Variants in MLIP observed in about 807,000 individuals in gnomAD.
MLIP encodes muscular LMNA interacting protein, also known as muscular LMNA-interacting protein.
Under a neutral mutation model 84.8 loss-of-function variants are expected in MLIP, and 79 were observed. That is an observed-to-expected ratio of 0.93 (90% CI 0.78 to 1.12). The LOEUF (loss-of-function observed/expected upper bound fraction) is 1.12. Ranked by LOEUF, MLIP falls within the 50% of genes most tolerant of loss-of-function variation. The pLI, the probability that MLIP is intolerant of heterozygous loss-of-function variation, is 0.00. For missense variants in MLIP, 1,257 were observed against 1,160.6 expected, an observed-to-expected ratio of 1.08 and a Z score of -1.21; for synonymous variants, 504 against 463.0, an observed-to-expected ratio of 1.09 and a Z score of -1.14.
intron 9 of MLIP, among the ~76,000 whole-genome samples, chr6:54,185,789 A>G (rs1231919651): frequency 6.6e-6 from 1 of 152,204 alleles, no homozygotes; most frequent in Non-Finnish European, 1.5e-5. Context: ...AAAAATTGTT[A>G]AATGGTATAA....
chr6:54,246,089 T>A (rs1017106148), intron 12 of MLIP, among the ~76,000 whole-genome samples: 1 of 152,216 alleles, frequency 6.6e-6, no homozygotes, highest in Admixed American at 6.5e-5. Flanking sequence ...ATAAGCCATA[T>A]GTTCCATAAG....
intron 12 of MLIP, among the ~76,000 whole-genome samples, chr6:54,252,413 A>T (rs1782687985): frequency 9.6e-6 from 1 of 103,910 alleles, no homozygotes; most frequent in African/African-American, 4.7e-5. Context: ...ATATAACTAT[A>T]GTATATTATA....
At chr6:54,171,698 T>C (rs567258159) in intron 9 of MLIP, among the ~76,000 whole-genome samples, 9 of 151,650 alleles carry the variant, frequency 5.9e-5, no homozygotes, top group Admixed American at 2.6e-4. Context: ...ATATGTTCTG[T>C]TTTTTTAAAA....
At chr6:54,026,714 A>AGTGC (rs1763823189) in intron 1 of MLIP, among the ~76,000 whole-genome samples, 1 of 149,806 alleles carries the variant, frequency 6.7e-6, no homozygotes, top group Non-Finnish European at 1.5e-5. Flanking sequence ...CTGTGTCTTC[A>AGTGC]GTGTGTGTGT....
Position 54,202,170 on chromosome 6 carries a change from A to G in MLIP, c.2655A>G (p.Glu885=), listed in dbSNP as rs748127681. The G allele has an allele frequency of 1.2e-6, 2 of 1,602,854 alleles. No individual in the cohort carries two copies. The highest frequency in any genetic ancestry group is 1.7e-6 in the Non-Finnish European group (2 of 1,173,604). The change falls in exon 11 of 14, where the codon GAA becomes GAG. Residue 885 remains glutamate (E), a synonymous_variant. Transcript: ENST00000502396. ...GAATATTACTGAAAAAAGAGGAGGAAGTCTATGAACCCAACCCTTTCAGTA... is the reference window on the plus strand; with the variant it reads ...GAATATTACTGAAAAAAGAGGAGGAGGTCTATGAACCCAACCCTTTCAGTA... ...KSRILLKKEE[E]VYEPNPFSKY...
intron 1 of MLIP, among the ~76,000 whole-genome samples, chr6:54,081,948 A>G (rs947343460): frequency 6.6e-6 from 1 of 152,140 alleles, no homozygotes; most frequent in African/African-American, 2.4e-5. Flanking sequence ...ATATTAATTG[A>G]AACTTCTTGT....
At chr6:54,031,110 C>T (rs889543523) in intron 1 of MLIP, among the ~76,000 whole-genome samples, 1 of 152,042 alleles carries the variant, frequency 6.6e-6, no homozygotes, top group Non-Finnish European at 1.5e-5. Context: ...TTGTGCAGCC[C>T]TATTAGCCAA....
intron 8 of MLIP, among the ~76,000 whole-genome samples, chr6:54,161,128 T>G (rs1296122740): frequency 1.3e-5 from 2 of 151,966 alleles, no homozygotes; most frequent in African/African-American, 2.4e-5. Context: ...ATGTTTAGAA[T>G]GTATAATGTG....
At chr6:54,087,816 C>CT (rs3996980) in intron 1 of MLIP, among the ~76,000 whole-genome samples, 16,210 of 148,730 alleles carry the variant, frequency 0.11, 807 homozygotes, top group Middle Eastern at 0.14. Context: ...GAAAGATACT[C>CT]TTTTTTTTTT....
At chr6:54,033,283 T>A (rs931358984) in intron 1 of MLIP, among the ~76,000 whole-genome samples, 30 of 151,922 alleles carry the variant, frequency 2.0e-4, no homozygotes, top group African/African-American at 6.8e-4. Context: ...TTTTTTTTTT[T>A]TGAGATGGAG....
chr6:54,103,683 A>G (rs1768810856), intron 1 of MLIP, among the ~76,000 whole-genome samples: 2 of 152,176 alleles, frequency 1.3e-5, no homozygotes, highest in Non-Finnish European at 2.9e-5. Flanking sequence ...TGCCTTCACT[A>G]ATTCTGCTGA....
chr6:54,159,004 C>T (rs1009075700), intron 5 of MLIP, among the ~76,000 whole-genome samples: 1 of 152,062 alleles, frequency 6.6e-6, no homozygotes, highest in African/African-American at 2.4e-5. Context: ...TCTTGAACTC[C>T]TGGGCTCATC....
chr6:54,265,802 T>C, intron 13 of MLIP, 148 bp from the exon 14 acceptor site: 1 of 680,064 alleles, frequency 1.5e-6, no homozygotes, highest in Non-Finnish European at 2.5e-6. Flanking sequence ...AAGGATCTAC[T>C]TAAGGAATAA....
intron 5 of MLIP, among the ~76,000 whole-genome samples, chr6:54,153,851 CA>C (rs3996974): frequency 1.4e-3 from 164 of 117,808 alleles, no homozygotes; most frequent in East Asian, 4.3e-3. Flanking sequence ...GACTCAGTCT[CA>C]AAAAAAAAAA....
chr6:54,184,471 G>C (rs889702929), intron 9 of MLIP, among the ~76,000 whole-genome samples: 2 of 152,178 alleles, frequency 1.3e-5, no homozygotes, highest in African/African-American at 4.8e-5. Context: ...AAATGCTGCA[G>C]ATTGCAAGGA....
chr6:54,046,400 T>G (rs1765054376), intron 1 of MLIP: 1 of 152,076 alleles, frequency 6.6e-6, no homozygotes, highest in African/African-American at 2.4e-5. Context: ...CAATTTCATC[T>G]CTCTAAGACT....
intron 1 of MLIP, among the ~76,000 whole-genome samples, chr6:54,099,088 G>A (rs1429792101): frequency 1.3e-5 from 2 of 152,158 alleles, no homozygotes; most frequent in African/African-American, 4.8e-5. Flanking sequence ...CATAGAAACT[G>A]TCAAGTGTAC....
chr6:54,265,859 T>A, intron 13 of MLIP, 91 bp from the exon 14 acceptor site: 1 of 1,211,558 alleles, frequency 8.3e-7, no homozygotes, highest in Non-Finnish European at 1.2e-6. Flanking sequence ...TTGTAGGAGA[T>A]GCTATGCCCA....
chr6:54,098,148 C>T (rs74974741), intron 1 of MLIP, among the ~76,000 whole-genome samples: 29 of 123,844 alleles, frequency 2.3e-4, no homozygotes, highest in African/African-American at 8.6e-4. Context: ...ATTTTTCTTT[C>T]TTTTTTTTTT....
Sources: gnomAD v4.1 joint callset for allele counts (sites outside exome capture counted in the v4.1 genomes callset) on GRCh38, gnomAD v4.1.1 for gene constraint, MANE v1.5 for transcripts, NCBI Gene and HGNC (gene_info 2026-07-23, HGNC 2026-07-21) for gene names.